Variants in CDC37L1 observed in about 807,000 individuals in gnomAD.
CDC37L1 encodes hsp90 co-chaperone Cdc37-like 1.
A neutral mutation model predicts 45.9 loss-of-function variants in CDC37L1; 32 were observed. The observed-to-expected ratio is 0.70, with a 90% CI of 0.53 to 0.94. The LOEUF (loss-of-function observed/expected upper bound fraction) is 0.94, where lower values mean the gene tolerates loss of function less well. CDC37L1 is among the 40% of genes least tolerant of loss of function. The pLI is 0.00. For synonymous variants in CDC37L1, 150 were observed against 133.0 expected (o/e 1.13, Z -0.88); for missense variants, 434 against 405.7 (o/e 1.07, Z -0.60).
chr9:4,697,148 C>A lies in CDC37L1; in HGVS notation c.561C>A (p.Tyr187Ter). ...DSQRFLSDHP[Y>*]LVCEETAKYL... ...AGAGATTTTTGTCTGACCATCCATA[C>A]CTTGTATGTGAAGAAACTGCTAAAT... Residue 187 changes from tyrosine (Y) to a stop codon, truncating the protein, a stop_gained, in exon 4 of 7, where the codon TAC becomes TAA. Coordinates refer to ENST00000381854, the MANE Select transcript of CDC37L1 (RefSeq NM_017913.4). LOFTEE classifies it high-confidence loss of function. 1.3e-6 allele frequency: 2 copies of A among 1,597,718 alleles called. No homozygotes were observed. Among genetic ancestry groups the A allele is most frequent in the Non-Finnish European group, 1.7e-6 (2 of 1,165,968 alleles).
intron 3 of CDC37L1, among the ~76,000 whole-genome samples, chr9:4,695,046 G>A (rs746992320): frequency 4.6e-5 from 7 of 152,166 alleles, no homozygotes; most frequent in Admixed American, 2.0e-4. Flanking sequence ...ATGCTTTATC[G>A]TGGATGGTAG....
intron 6 of CDC37L1, chr9:4,703,019 G>C (rs374268878): frequency 1.1e-5 from 16 of 1,453,946 alleles, no homozygotes; most frequent in African/African-American, 1.4e-5. Flanking sequence ...GTTATTATTA[G>C]ATAATTCCTA....
chr9:4,698,254 C>T (rs1212891725), intron 5 of CDC37L1, among the ~76,000 whole-genome samples: 2 of 148,996 alleles, frequency 1.3e-5, no homozygotes, highest in Non-Finnish European at 3.0e-5. Flanking sequence ...TAGAACTCAG[C>T]AGTTTAATGA....
At chr9:4,690,964 C>G (rs528898343) in intron 3 of CDC37L1, among the ~76,000 whole-genome samples, 71 of 152,320 alleles carry the variant, frequency 4.7e-4, no homozygotes, top group African/African-American at 1.6e-3. Flanking sequence ...AGTGGACCAA[C>G]TTGTAGTCAT....
chr9:4,680,205 G>C (rs755610604), intron 1 of CDC37L1, among the ~76,000 whole-genome samples: 12 of 152,180 alleles, frequency 7.9e-5, no homozygotes, highest in Non-Finnish European at 1.6e-4. Flanking sequence ...ACTCAGATTT[G>C]GGGCGGCTCA....
At chr9:4,681,151 A>T (rs142392090) in intron 1 of CDC37L1, among the ~76,000 whole-genome samples, 37 of 152,304 alleles carry the variant, frequency 2.4e-4, no homozygotes, top group African/African-American at 8.7e-4. Context: ...AGCAGATGCC[A>T]TTGTCAATTT....
chr9:4,698,975 T>A (rs1289695812), intron 5 of CDC37L1, among the ~76,000 whole-genome samples: 1 of 152,186 alleles, frequency 6.6e-6, no homozygotes, highest in African/African-American at 2.4e-5. Context: ...TTAATGGTAG[T>A]GTAATGAGTT....
chr9:4,697,972 G>T, intron 5 of CDC37L1, 93 bp downstream of exon 5: 1 of 1,120,204 alleles, frequency 8.9e-7, no homozygotes, highest in Non-Finnish European at 1.3e-6. Context: ...ATCCAAGCAG[G>T]ATGCCACAGG....
At chr9:4,686,611 G>A (rs745799256) in intron 2 of CDC37L1, among the ~76,000 whole-genome samples, 1 of 152,120 alleles carries the variant, frequency 6.6e-6, no homozygotes, top group Non-Finnish European at 1.5e-5. Flanking sequence ...TTTTGTCTCT[G>A]CTTTTAATTA....
chr9:4,681,790 A>T (rs980563637), intron 1 of CDC37L1, among the ~76,000 whole-genome samples: 1 of 152,210 alleles, frequency 6.6e-6, no homozygotes, highest in East Asian at 1.9e-4. Flanking sequence ...ACATTTTATA[A>T]TCCTAAAAAA....
intron 3 of CDC37L1, among the ~76,000 whole-genome samples, chr9:4,693,502 G>A (rs772175664): frequency 1.3e-5 from 2 of 151,958 alleles, no homozygotes; most frequent in African/African-American, 2.4e-5. Context: ...TAATGAAAGA[G>A]GAAAGGGAAA....
chr9:4,700,422 A>G lies in CDC37L1; in HGVS notation c.748-1442A>G, dbSNP rs561051031. ...CTTAACCTTCCAAAATACTGGGATTACAGACATGAGCCACCACACCCGGTC... is the reference window on the plus strand; with the variant it reads ...CTTAACCTTCCAAAATACTGGGATTGCAGACATGAGCCACCACACCCGGTC... On this transcript the variant is annotated intron_variant, in intron 5 of 6. Transcript: ENST00000381854. 9.2e-5 allele frequency among the ~76,000 whole-genome samples: 14 copies of G among 152,346 alleles called. No homozygotes were observed. In the South Asian group the frequency reaches 2.7e-3, roughly 29 times the overall value.
Position 4,705,960 on chromosome 9 carries a change from G to T in CDC37L1, c.913-51G>T, listed in dbSNP as rs371868950. On this transcript the variant is annotated intron_variant, in intron 6 of 6. Coordinates refer to ENST00000381854, the MANE Select transcript of CDC37L1 (RefSeq NM_017913.4). The stretch of plus-strand genomic sequence containing the variant: ...ATATGTATGTACTGTCATAAAACTG[G>T]TTATAATGCGTTCTTTTTCTCCCCC... 152 of 854,088 alleles carry T rather than the reference G, an allele frequency of 1.8e-4. 1 individual carries two copies. The South Asian group carries it at 2.0e-3, about 12-fold the overall frequency. The allele number at this position is 854,088 out of a possible 1,614,324, so 52.9% of individuals were successfully genotyped here.
rs1407976848 is a variant in CDC37L1, at chr9:4,679,672, C to T, written c.-96C>T. 4.2e-6 allele frequency: 5 copies of T among 1,194,972 alleles called. No homozygotes were observed. The highest frequency in any genetic ancestry group is 5.7e-6 in the Non-Finnish European group (5 of 874,470). 74.0% of individuals were successfully genotyped at this position (1,194,972 alleles called of 1,614,324 possible). ...GTAACGGCCCGGACCCCCGGCTGGG[C>T]TTCTGGCTCGGCGCAGCAGGTTCCA... On this transcript the variant is annotated 5_prime_UTR_variant, in exon 1 of 7. Coordinates refer to ENST00000381854, the MANE Select transcript of CDC37L1 (RefSeq NM_017913.4).
At chr9:4,705,715 G>GT (rs1841435280) in intron 6 of CDC37L1, among the ~76,000 whole-genome samples, 1 of 152,138 alleles carries the variant, frequency 6.6e-6, no homozygotes, top group African/African-American at 2.4e-5. Context: ...TCACATGGAG[G>GT]TTGTAGCCTT....
At chr9:4,683,447 A>G (rs1841216917) in intron 1 of CDC37L1, among the ~76,000 whole-genome samples, 2 of 152,100 alleles carry the variant, frequency 1.3e-5, no homozygotes, top group African/African-American at 2.4e-5. Flanking sequence ...CAGAATCTGG[A>G]TGAAGATAGG....
At position 4,685,445 on chromosome 9, in the gene CDC37L1, T is replaced by C. The variant is rs574105887; in HGVS notation, c.414+287T>C. On this transcript the variant is annotated intron_variant, in intron 2 of 6. Transcript: ENST00000381854. ...AAAAAACATTCACAAGAATTTGATA[T>C]AAGGATGGGAAAATATATCAGTTAT... 18 of 269,044 alleles carry C rather than the reference T, an allele frequency of 6.7e-5. No homozygotes were observed. In the East Asian group the frequency reaches 1.1e-3, roughly 17 times the overall value. 16.7% of individuals were successfully genotyped at this position (269,044 alleles called of 1,614,324 possible).
intron 3 of CDC37L1, among the ~76,000 whole-genome samples, chr9:4,695,346 T>C (rs1841338004): frequency 6.6e-6 from 1 of 152,186 alleles, no homozygotes; most frequent in Admixed American, 6.5e-5. Flanking sequence ...GCAATATTCT[T>C]ATACTTTAAG....
chr9:4,680,570 A>G (rs2130839808), intron 1 of CDC37L1, among the ~76,000 whole-genome samples: 1 of 152,014 alleles, frequency 6.6e-6, no homozygotes, highest in South Asian at 2.1e-4. Flanking sequence ...TTGTGTTTTC[A>G]ATCCAGCATT....
Sources: allele counts gnomAD v4.1 joint callset (sites outside exome capture counted in the v4.1 genomes callset), GRCh38; gene constraint gnomAD v4.1.1; transcripts MANE v1.5; gene names NCBI Gene and HGNC (gene_info 2026-07-23, HGNC 2026-07-21).